Variants in GABRA3 observed in about 807,000 individuals in gnomAD.
GABRA3 encodes gamma-aminobutyric acid receptor subunit alpha-3.
GABRA3 carries 10 observed loss-of-function variants against 30.1 expected under a neutral mutation model. The observed-to-expected ratio is 0.33, with a 90% confidence interval of 0.20 to 0.56. The LOEUF (loss-of-function observed/expected upper bound fraction) is 0.56. Ranked by LOEUF, GABRA3 falls within the 20% of genes least tolerant of loss-of-function variation. The probability of loss-of-function intolerance (pLI) is 0.89; values close to 1 mark genes in which losing one functional copy is unlikely to be tolerated. For synonymous variants in GABRA3, 151 were observed against 146.8 expected, an observed-to-expected ratio of 1.03 and a Z score of -0.21; for missense variants, 233 against 392.0, an observed-to-expected ratio of 0.59 and a Z score of 3.42.
chrX:152,243,850 A>G (rs1938420886), intron 5 of GABRA3, among the ~76,000 whole-genome samples: 1 of 112,231 alleles, frequency 8.9e-6, no homozygotes, highest in Non-Finnish European at 1.9e-5. Flanking sequence ...ATGCTATGCC[A>G]TCTCATTGGG....
chrX:152,284,934 T>C (rs921869999), intron 3 of GABRA3, among the ~76,000 whole-genome samples, 199 bp from the exon 4 acceptor site: 2 of 111,590 alleles, frequency 1.8e-5, no homozygotes, highest in African/African-American at 6.5e-5. Flanking sequence ...TTTAGTATCA[T>C]TGAAAATGAC....
intron 1 of GABRA3, among the ~76,000 whole-genome samples, chrX:152,376,550 T>C (rs1277979470): frequency 2.7e-5 from 3 of 111,235 alleles, no homozygotes; most frequent in African/African-American, 6.5e-5. Context: ...ATATCTTAAA[T>C]CTCTTGTTCT....
intron 1 of GABRA3, among the ~76,000 whole-genome samples, chrX:152,420,256 C>T (rs1389589113): frequency 1.8e-5 from 2 of 110,810 alleles, no homozygotes; most frequent in Admixed American, 9.6e-5. Context: ...CAGCATTGTA[C>T]TAGAGGTCTT....
chrX:152,293,210 A>G (rs1939455776), intron 3 of GABRA3, among the ~76,000 whole-genome samples: 1 of 110,817 alleles, frequency 9.0e-6, no homozygotes, highest in African/African-American at 3.3e-5. Flanking sequence ...GTCTCTAAGG[A>G]CTTCCTTTAT....
At chrX:152,175,078 G>A (rs1937055496) in intron 9 of GABRA3, among the ~76,000 whole-genome samples, 1 of 111,709 alleles carries the variant, frequency 9.0e-6, no homozygotes, top group African/African-American at 3.3e-5. Flanking sequence ...TTTTTGTCAG[G>A]TTTGTCAAAG....
At chrX:152,195,284 A>C (rs907303911) in intron 8 of GABRA3, among the ~76,000 whole-genome samples, 6 of 112,073 alleles carry the variant, frequency 5.4e-5, no homozygotes, top group African/African-American at 1.6e-4. Context: ...GCCAAAAAAA[A>C]CATGCTTCTT....
intron 1 of GABRA3, chrX:152,393,400 A>G (rs1481410022): frequency 2.7e-6 from 1 of 372,253 alleles, no homozygotes; most frequent in Admixed American, 2.8e-5. Flanking sequence ...CACGATGCAT[A>G]AAACACTATT....
At chrX:152,246,424 C>A (rs1266670395) in intron 5 of GABRA3, among the ~76,000 whole-genome samples, 1 of 111,643 alleles carries the variant, frequency 9.0e-6, no homozygotes, top group Non-Finnish European at 1.9e-5. Flanking sequence ...CCCCACCTTC[C>A]AGCTCAAATG....
At chrX:152,292,525 A>T (rs1939440761) in intron 3 of GABRA3, among the ~76,000 whole-genome samples, 1 of 110,189 alleles carries the variant, frequency 9.1e-6, no homozygotes, top group African/African-American at 3.3e-5. Flanking sequence ...TTTTTAAAGG[A>T]TTTTTTTTGT....
intron 1 of GABRA3, among the ~76,000 whole-genome samples, chrX:152,374,526 AT>A (rs1448438746): frequency 1.8e-5 from 2 of 108,340 alleles, no homozygotes. Context: ...GATTTTTCGT[AT>A]TTTTAGTAGA....
intron 1 of GABRA3, among the ~76,000 whole-genome samples, chrX:152,412,479 G>T (rs1323490505): frequency 1.8e-5 from 2 of 111,903 alleles, no homozygotes; most frequent in Non-Finnish European, 3.8e-5. Context: ...TGAGTATGTG[G>T]CAACTATATA....
At chrX:152,286,120 A>C (rs1388886113) in intron 3 of GABRA3, among the ~76,000 whole-genome samples, 1 of 83,934 alleles carries the variant, frequency 1.2e-5, no homozygotes, top group Non-Finnish European at 2.4e-5. Context: ...ATATACTATA[A>C]GTATAGTATA....
chrX:152,438,074 C>A (rs758759666), intron 1 of GABRA3, among the ~76,000 whole-genome samples: 1 of 111,472 alleles, frequency 9.0e-6, no homozygotes, highest in African/African-American at 3.3e-5. Context: ...ATATCTAGTA[C>A]AGAACTTATA....
At chrX:152,404,078 C>A (rs1475587662) in intron 1 of GABRA3, among the ~76,000 whole-genome samples, 1 of 110,920 alleles carries the variant, frequency 9.0e-6, no homozygotes, top group Non-Finnish European at 1.9e-5. Flanking sequence ...GGTAAACCCC[C>A]AAAATTTCAG....
At chrX:152,212,988 G>A (rs1026235881) in intron 6 of GABRA3, among the ~76,000 whole-genome samples, 2 of 110,980 alleles carry the variant, frequency 1.8e-5, no homozygotes, top group South Asian at 3.8e-4. Context: ...GGAGGGACTG[G>A]TTCCTGAAGA....
At chrX:152,289,568 C>A (rs1278638992) in intron 3 of GABRA3, among the ~76,000 whole-genome samples, 1 of 109,371 alleles carries the variant, frequency 9.1e-6, no homozygotes, top group Non-Finnish European at 1.9e-5. Flanking sequence ...GCACAACGTG[C>A]AGGTTTGTTA....
At chrX:152,430,650 C>G (rs1418422104) in intron 1 of GABRA3, among the ~76,000 whole-genome samples, 1 of 111,091 alleles carries the variant, frequency 9.0e-6, no homozygotes, top group Admixed American at 9.6e-5. Flanking sequence ...AGTATTGCAT[C>G]TATGAAAAAA....
intron 4 of GABRA3, among the ~76,000 whole-genome samples, chrX:152,272,397 T>C (rs1285693567): frequency 8.9e-6 from 1 of 111,889 alleles, no homozygotes; most frequent in African/African-American, 3.2e-5. Flanking sequence ...TGGGGCCTGT[T>C]GCCAATTTGG....
intron 4 of GABRA3, among the ~76,000 whole-genome samples, chrX:152,268,332 C>G (rs183749482): frequency 1.9e-3 from 217 of 111,401 alleles, no homozygotes; most frequent in African/African-American, 6.8e-3. Context: ...TGGGTTTTTC[C>G]CATGCTGTTC....
Sources: gnomAD v4.1 joint callset for allele counts (sites outside exome capture counted in the v4.1 genomes callset) on GRCh38, gnomAD v4.1.1 for gene constraint, MANE v1.5 for transcripts, NCBI Gene and HGNC (gene_info 2026-07-23, HGNC 2026-07-21) for gene names.